Variants in VPS13B observed in about 807,000 individuals in gnomAD.
VPS13B encodes the protein vacuolar protein sorting 13 homolog B.
A neutral mutation model predicts 426.4 loss-of-function variants in VPS13B; 285 were observed. That is an observed-to-expected ratio of 0.67 (90% CI 0.61 to 0.74). The LOEUF (loss-of-function observed/expected upper bound fraction) is 0.74, where lower values mean the gene tolerates loss of function less well. VPS13B is among the 30% of genes least tolerant of loss of function. The probability of loss-of-function intolerance (pLI) is 0.00; values close to 1 mark genes in which losing one functional copy is unlikely to be tolerated. For synonymous variants in VPS13B, 1,676 were observed against 1,676.4 expected (o/e 1.00, Z 0.01); for missense variants, 4,537 against 4,782.6 (o/e 0.95, Z 1.51).
chr8:99,553,393 A>C (rs1824383489), intron 30 of VPS13B, among the ~76,000 whole-genome samples: 1 of 152,106 alleles, frequency 6.6e-6, no homozygotes, highest in Non-Finnish European at 1.5e-5. Context: ...ATTTATCTTT[A>C]TCGTTTTCGT....
intron 35 of VPS13B, among the ~76,000 whole-genome samples, chr8:99,666,305 T>G (rs1483190563): frequency 2.6e-5 from 4 of 152,180 alleles, no homozygotes; most frequent in Non-Finnish European, 5.9e-5. Flanking sequence ...GTAACTCATT[T>G]TATGAGGCCA....
intron 3 of VPS13B, 50 bp downstream of exon 3, chr8:99,038,616 T>G: frequency 6.4e-7 from 1 of 1,558,092 alleles, no homozygotes; most frequent in Non-Finnish European, 8.8e-7. Context: ...TTTAGTAGTA[T>G]TTGACATTTC....
chr8:99,767,037 C>A, intron 40 of VPS13B, 67 bp downstream of exon 40: 1 of 1,473,996 alleles, frequency 6.8e-7, no homozygotes, highest in Non-Finnish European at 9.4e-7. Context: ...CTTTTCCTAT[C>A]TAGTGACCCC....
At chr8:99,074,473 A>G (rs1587999947) in intron 3 of VPS13B, among the ~76,000 whole-genome samples, 1 of 150,266 alleles carries the variant, frequency 6.7e-6, no homozygotes, top group African/African-American at 2.4e-5. Flanking sequence ...GCACCACTGC[A>G]CTCCAGCCTG....
Position 99,642,216 on chromosome 8 carries a change from T to C in VPS13B, c.5626T>C (p.Leu1876=). 6.2e-7 allele frequency: 1 copy of C among 1,614,194 alleles called. No individual in the cohort carries two copies. Among genetic ancestry groups the C allele is most frequent in the Non-Finnish European group, 8.5e-7 (1 of 1,180,026 alleles). The part of the protein sequence containing the change: ...CISTVTAEDL[L]RSSISFPSGK... ...TTCCACGGTGACAGCAGAAGATCTC[T>C]TAAGGAGCAGCATTTCTTTTCCTTC... The change falls in exon 34 of 62, where the codon TTA becomes CTA. Residue 1876 remains leucine, a synonymous_variant. Coordinates refer to ENST00000357162, the MANE Select transcript of VPS13B (RefSeq NM_152564.5).
At chr8:99,712,651 G>C (rs1832750341) in intron 36 of VPS13B, among the ~76,000 whole-genome samples, 1 of 151,156 alleles carries the variant, frequency 6.6e-6, no homozygotes, top group Non-Finnish European at 1.5e-5. Flanking sequence ...CCAAATGTTT[G>C]TGTGATCATT....
intron 37 of VPS13B, among the ~76,000 whole-genome samples, chr8:99,719,016 G>A (rs1833031161): frequency 6.6e-6 from 1 of 152,136 alleles, no homozygotes; most frequent in Admixed American, 6.5e-5. Context: ...TTAATGCACA[G>A]AGCAAGATTT....
intron 30 of VPS13B, among the ~76,000 whole-genome samples, chr8:99,526,787 T>C (rs990554644): frequency 6.6e-6 from 1 of 152,190 alleles, no homozygotes; most frequent in African/African-American, 2.4e-5. Context: ...TAATGATTTA[T>C]GTCAAATTAA....
intron 2 of VPS13B, among the ~76,000 whole-genome samples, chr8:99,027,818 T>G (rs1842216959): frequency 6.6e-6 from 1 of 151,822 alleles, no homozygotes; most frequent in African/African-American, 2.4e-5. Flanking sequence ...CATAGGACAA[T>G]AGTGGAGGGA....
At chr8:99,760,612 T>A (rs1810881825) in intron 39 of VPS13B, among the ~76,000 whole-genome samples, 1 of 152,166 alleles carries the variant, frequency 6.6e-6, no homozygotes, top group Admixed American at 6.5e-5. Context: ...TAAAAGTAAA[T>A]TTATGGTTCA....
chr8:99,305,087 T>G (rs533782753), intron 19 of VPS13B, among the ~76,000 whole-genome samples: 14 of 152,278 alleles, frequency 9.2e-5, no homozygotes, highest in African/African-American at 3.1e-4. Context: ...TACTTTATTA[T>G]CTCCATTTTA....
At chr8:99,468,961 T>A (rs1295216448) in intron 24 of VPS13B, among the ~76,000 whole-genome samples, 1 of 152,062 alleles carries the variant, frequency 6.6e-6, no homozygotes, top group Non-Finnish European at 1.5e-5. Context: ...TCTTCTTGCC[T>A]CCTTCTCCCT....
intron 61 of VPS13B, among the ~76,000 whole-genome samples, chr8:99,874,217 G>T (rs1435347703): frequency 6.6e-6 from 1 of 152,146 alleles, no homozygotes; most frequent in East Asian, 1.9e-4. Context: ...TGTTCAGGAG[G>T]AGCAATTAAA....
At chr8:99,725,799 C>A (rs1021220102) in intron 39 of VPS13B, among the ~76,000 whole-genome samples, 1 of 152,184 alleles carries the variant, frequency 6.6e-6, no homozygotes, top group Non-Finnish European at 1.5e-5. Flanking sequence ...ATCATCTGTA[C>A]ACACAGTCTA....
chr8:99,136,399 C>T (rs779604282), intron 11 of VPS13B, among the ~76,000 whole-genome samples: 6 of 151,996 alleles, frequency 3.9e-5, no homozygotes, highest in Non-Finnish European at 5.9e-5. Flanking sequence ...GTACTATCTC[C>T]TCCATTGTAG....
At chr8:99,317,293 A>G (rs529951590) in intron 19 of VPS13B, among the ~76,000 whole-genome samples, 1 of 152,288 alleles carries the variant, frequency 6.6e-6, no homozygotes, top group South Asian at 2.1e-4. Flanking sequence ...TGATGTTTCA[A>G]TACATGTATA....
intron 19 of VPS13B, among the ~76,000 whole-genome samples, chr8:99,314,764 A>G (rs886669409): frequency 6.6e-6 from 1 of 152,174 alleles, no homozygotes; most frequent in African/African-American, 2.4e-5. Context: ...CTCCCATTTT[A>G]GAGCTAATGA....
At chr8:99,812,779 A>G (rs1184798176) in intron 44 of VPS13B, among the ~76,000 whole-genome samples, 2 of 152,182 alleles carry the variant, frequency 1.3e-5, no homozygotes. Flanking sequence ...ACTTTTAATC[A>G]TGTTTAAGAT....
At position 99,645,697 on chromosome 8, in the gene VPS13B, T is replaced by C. The variant is rs182995386; in HGVS notation, c.5908+3199T>C. On this transcript the variant is annotated intron_variant, in intron 34 of 61. Coordinates refer to ENST00000357162, the MANE Select transcript of VPS13B (RefSeq NM_152564.5). ...TTTTGAAGATGCAGATTTCCTTTGA[T>C]ATTCTAGTGGAGCTCTAATTAGTTT... is the stretch of plus-strand genomic sequence containing the variant. Among the ~76,000 whole-genome samples the C allele has an allele frequency of 2.6e-5, 4 of 152,358 alleles. No individual in the cohort carries two copies. The East Asian group carries it at 7.7e-4, about 29-fold the overall frequency.
Sources: gnomAD v4.1 joint callset for allele counts (sites outside exome capture counted in the v4.1 genomes callset) on GRCh38, gnomAD v4.1.1 for gene constraint, MANE v1.5 for transcripts, NCBI Gene and HGNC (gene_info 2026-07-23, HGNC 2026-07-21) for gene names.